DOCK5: variants seen among roughly 807,000 people sequenced by gnomAD.
The protein encoded by DOCK5 is dedicator of cytokinesis protein 5.
A neutral mutation model predicts 251.8 loss-of-function variants in DOCK5; 142 were observed. That is an observed-to-expected ratio of 0.56 (90% CI 0.49 to 0.65). DOCK5 has a LOEUF of 0.65. DOCK5 is among the 30% of genes least tolerant of loss of function. DOCK5 has a pLI of 0.00. For missense variants in DOCK5, 2,111 were observed against 2,312.3 expected (o/e 0.91, Z 1.79); for synonymous variants, 842 against 835.5 (o/e 1.01, Z -0.13).
At chr8:25,368,438 A>G (rs1800816831) in intron 32 of DOCK5, 133 bp from the exon 33 acceptor site, 2 of 1,159,184 alleles carry the variant, frequency 1.7e-6, no homozygotes, top group Non-Finnish European at 1.2e-6. Context: ...ACATGCTATC[A>G]GAATCTGAGT....
intron 1 of DOCK5, among the ~76,000 whole-genome samples, chr8:25,236,273 CAG>C (rs1802795392): frequency 1.3e-5 from 2 of 152,148 alleles, no homozygotes; most frequent in South Asian, 4.1e-4. Flanking sequence ...TGGGTCTGAG[CAG>C]AGAGGTGGCG....
chr8:25,389,007 C>A, intron 40 of DOCK5, 84 bp from the exon 41 acceptor site: 1 of 1,335,174 alleles, frequency 7.5e-7, no homozygotes, highest in Non-Finnish European at 1.0e-6. Context: ...CTGGGGAGTG[C>A]AGTGGCTACC....
At chr8:25,390,832 C>T (rs576542417) in intron 42 of DOCK5, among the ~76,000 whole-genome samples, 8 of 150,664 alleles carry the variant, frequency 5.3e-5, no homozygotes, top group East Asian at 1.9e-4. Context: ...TTTTTTGAGA[C>T]GGAATCTTGC....
chr8:25,190,570 A>G (rs1032988842), intron 1 of DOCK5, among the ~76,000 whole-genome samples: 2 of 152,174 alleles, frequency 1.3e-5, no homozygotes, highest in East Asian at 1.9e-4. Flanking sequence ...GAAAATAGAG[A>G]TGTAACTTTT....
At chr8:25,234,905 C>A (rs528645908) in intron 1 of DOCK5, among the ~76,000 whole-genome samples, 1 of 152,298 alleles carries the variant, frequency 6.6e-6, no homozygotes, top group African/African-American at 2.4e-5. Context: ...CTCTCCAGTC[C>A]TTCCTGATTC....
At position 25,371,832 on chromosome 8, in the gene DOCK5, A is replaced by G. The variant is rs371599551; in HGVS notation, c.3525-727A>G. On this transcript the variant is annotated intron_variant, in intron 34 of 51. Coordinates refer to ENST00000276440, the MANE Select transcript of DOCK5 (RefSeq NM_024940.8). ...CATAGGTCTCCAGTGCCCAAGAATA[A>G]CCCTAAATCTGGATTAATGTGTTGG... is the stretch of plus-strand genomic sequence containing the variant. 3.3e-5 allele frequency among the ~76,000 whole-genome samples: 5 copies of G among 152,104 alleles called. No individual in the cohort carries two copies. The East Asian group carries it at 5.8e-4, about 18-fold the overall frequency.
rs1232933076 is a variant in DOCK5 at position 25,412,692 on chromosome 8, G to A, written c.*1394G>A. The A allele has an allele frequency of 2.0e-5, 3 of 152,260 alleles. No homozygotes were observed. Among genetic ancestry groups the A allele is most frequent in the African/African-American group, 4.8e-5 (2 of 41,458 alleles). 9.4% of individuals were successfully genotyped at this position (152,260 alleles called of 1,614,324 possible). ...CAGCACTGGGGGAAACTTGCTGGTGGTCTCTCCCACAACCTTGCCCAGAGT... is the reference window on the plus strand; with the variant it reads ...CAGCACTGGGGGAAACTTGCTGGTGATCTCTCCCACAACCTTGCCCAGAGT... On this transcript the variant is annotated 3_prime_UTR_variant, in exon 52 of 52. Transcript: ENST00000276440.
chr8:25,326,001 TC>T (rs1382477425), intron 18 of DOCK5, among the ~76,000 whole-genome samples: 1 of 152,124 alleles, frequency 6.6e-6, no homozygotes, highest in Non-Finnish European at 1.5e-5. Context: ...TTCTCTTCTT[TC>T]CCATTTTTTT....
intron 51 of DOCK5, among the ~76,000 whole-genome samples, chr8:25,410,708 C>G (rs557070065): frequency 2.1e-5 from 3 of 140,056 alleles, no homozygotes; most frequent in Non-Finnish European, 3.1e-5. Flanking sequence ...GTGATCCCCC[C>G]CACCCACCTC....
At chr8:25,260,818 C>G (rs1410367739) in intron 2 of DOCK5, among the ~76,000 whole-genome samples, 1 of 150,450 alleles carries the variant, frequency 6.6e-6, no homozygotes, top group East Asian at 2.0e-4. Flanking sequence ...TTTAAACGGA[C>G]AGAATCTTGC....
At chr8:25,368,087 G>T in intron 31 of DOCK5, 105 bp from the exon 32 acceptor site, 1 of 905,286 alleles carries the variant, frequency 1.1e-6, no homozygotes, top group South Asian at 1.5e-5. Context: ...TGGGCCTTAA[G>T]AGTGACCAAG....
intron 27 of DOCK5, among the ~76,000 whole-genome samples, chr8:25,357,585 C>CTGT (rs1247758451): frequency 1.2e-4 from 18 of 151,952 alleles, no homozygotes; most frequent in African/African-American, 3.9e-4. Context: ...ACCATGTTGG[C>CTGT]CAGACTGGTC....
At chr8:25,320,939 A>T in intron 15 of DOCK5, 41 bp from the exon 16 acceptor site, 1 of 1,553,400 alleles carries the variant, frequency 6.4e-7, no homozygotes, top group Non-Finnish European at 8.9e-7. Flanking sequence ...CTTGCAAAGT[A>T]CTGTGTGTCT....
chr8:25,374,126 C>G (rs1800922143), intron 36 of DOCK5, among the ~76,000 whole-genome samples: 1 of 152,062 alleles, frequency 6.6e-6, no homozygotes, highest in African/African-American at 2.4e-5. Context: ...AGAAACTAGT[C>G]TAGGTGGAGT....
At chr8:25,193,239 T>C (rs1801630972) in intron 1 of DOCK5, among the ~76,000 whole-genome samples, 1 of 152,192 alleles carries the variant, frequency 6.6e-6, no homozygotes, top group Non-Finnish European at 1.5e-5. Flanking sequence ...CCTTATTTTA[T>C]GTGTGTTTGT....
chr8:25,360,667 A>G (rs1274625264), intron 28 of DOCK5, among the ~76,000 whole-genome samples: 1 of 152,172 alleles, frequency 6.6e-6, no homozygotes, highest in Non-Finnish European at 1.5e-5. Context: ...ATGCATGGGA[A>G]ATGCCCAGCT....
At chr8:25,302,002 C>T (rs747845593) in intron 9 of DOCK5, among the ~76,000 whole-genome samples, 1 of 152,148 alleles carries the variant, frequency 6.6e-6, no homozygotes, top group Non-Finnish European at 1.5e-5. Context: ...CAAAGATATA[C>T]AATCGCAATG....
chr8:25,394,646 T>C (rs1382745358), intron 44 of DOCK5, among the ~76,000 whole-genome samples: 1 of 152,176 alleles, frequency 6.6e-6, no homozygotes, highest in Non-Finnish European at 1.5e-5. Context: ...TCTCTTGTCG[T>C]TGATCTTCTC....
chr8:25,403,477 A>C, intron 47 of DOCK5, 81 bp from the exon 48 acceptor site: 1 of 1,502,024 alleles, frequency 6.7e-7, no homozygotes, highest in South Asian at 1.2e-5. Flanking sequence ...CTGGTTAGCC[A>C]CAAGCAAACA....
Sources: allele counts gnomAD v4.1 joint callset (sites outside exome capture counted in the v4.1 genomes callset), GRCh38; gene constraint gnomAD v4.1.1; transcripts MANE v1.5; gene names NCBI Gene and HGNC (gene_info 2026-07-23, HGNC 2026-07-21).